FNBP1L: variants seen among roughly 807,000 people sequenced by gnomAD.
FNBP1L encodes the protein formin binding protein 1 like.
Under a neutral mutation model 91.2 loss-of-function variants are expected in FNBP1L, and 36 were observed. The observed-to-expected ratio is 0.39, with a 90% CI of 0.30 to 0.52. The LOEUF is 0.52. FNBP1L is among the 20% of genes least tolerant of loss of function. FNBP1L has a pLI of 0.66. For missense variants in FNBP1L, 571 were observed against 732.1 expected (o/e 0.78, Z 2.54); for synonymous variants, 242 against 237.0 (o/e 1.02, Z -0.19).
chr1:93,553,834 AG>A lies in FNBP1L; in HGVS notation c.*1420del, dbSNP rs1405054579. On this transcript the variant is annotated 3_prime_UTR_variant, in exon 17 of 17. Coordinates refer to ENST00000271234, the MANE Select transcript of FNBP1L (RefSeq NM_001164473.3). ...TGGTGTTGTAATAGGGAGATGGGGC[AG>A]GTGGGGGGTTATTTGTACCACTGAA... 1.3e-5 allele frequency: 2 copies of A among 152,658 alleles called. No individual in the cohort carries two copies. Among genetic ancestry groups the A allele is most frequent in the Non-Finnish European group, 2.9e-5 (2 of 68,054 alleles). 9.5% of individuals were successfully genotyped at this position (152,658 alleles called of 1,614,324 possible). A position where few individuals can be genotyped will look rare whatever the true frequency, so the allele number is the denominator to read the frequency against.
At chr1:93,552,261 G>A in intron 16 of FNBP1L, 148 bp from the exon 17 acceptor site, 1 of 1,436,186 alleles carries the variant, frequency 7.0e-7, no homozygotes, top group Non-Finnish European at 9.1e-7. Context: ...TTTTAATTTT[G>A]CCCATGTTTT....
At chr1:93,540,911 A>T in intron 10 of FNBP1L, 131 bp from the exon 11 acceptor site, 1 of 640,472 alleles carries the variant, frequency 1.6e-6, no homozygotes. Flanking sequence ...TTTCTGGCAT[A>T]ATTGTTTGGA....
chr1:93,523,687 A>G (rs1671406125), intron 4 of FNBP1L, among the ~76,000 whole-genome samples, 196 bp downstream of exon 4: 1 of 152,242 alleles, frequency 6.6e-6, no homozygotes, highest in Non-Finnish European at 1.5e-5. Flanking sequence ...ACTACAGCCT[A>G]TGGGCCAGAC....
intron 15 of FNBP1L, among the ~76,000 whole-genome samples, chr1:93,549,636 G>A (rs1419641853): frequency 6.6e-6 from 1 of 152,148 alleles, no homozygotes; most frequent in Non-Finnish European, 1.5e-5. Context: ...AATTGCCCAC[G>A]TTACTAGCAT....
rs1215758415 is a variant in FNBP1L, at chr1:93,547,327, T to C, written c.1408-20T>C. On this transcript the variant is annotated intron_variant, in intron 13 of 16. Coordinates refer to ENST00000271234, the MANE Select transcript of FNBP1L (RefSeq NM_001164473.3). ...AACATATTTATTGAGCTCAGTTGTT[T>C]GCTTATTTTTTTTCCTAAGGCTTGG... is the stretch of plus-strand genomic sequence containing the variant. 1.3e-6 allele frequency: 2 copies of C among 1,535,030 alleles called. No individual in the cohort carries two copies. Among genetic ancestry groups the C allele is most frequent in the Non-Finnish European group, 8.8e-7 (1 of 1,132,012 alleles).
chr1:93,554,049 A>G lies in FNBP1L; in HGVS notation c.*1633A>G, dbSNP rs550863716. ...CAATTGTGTGAAAGTTACTGCCTTC[A>G]TAAGATCAAGTCACCACTGTTACAC... On this transcript the variant is annotated 3_prime_UTR_variant, in exon 17 of 17. Coordinates refer to ENST00000271234, the MANE Select transcript of FNBP1L (RefSeq NM_001164473.3). 8 of 152,680 alleles carry G rather than the reference A, an allele frequency of 5.2e-5. No individual in the cohort carries two copies. Among genetic ancestry groups the G allele is most frequent in the Admixed American group, 5.2e-4 (8 of 15,288 alleles). 9.5% of individuals were successfully genotyped at this position (152,680 alleles called of 1,614,324 possible).
At chr1:93,548,155 C>T (rs996353140) in intron 14 of FNBP1L, among the ~76,000 whole-genome samples, 2 of 152,080 alleles carry the variant, frequency 1.3e-5, no homozygotes, top group African/African-American at 2.4e-5. Flanking sequence ...ATAGTAGTAT[C>T]ACTTCTTGAA....
rs150289393 is a variant in FNBP1L, at chr1:93,474,071, G to T, written c.25-25397G>T. ...ACCAACCTGGCCAACATCGTGAAAC[G>T]CCATCTCTACTAAAAATACAAAAAT... On this transcript the variant is annotated intron_variant, in intron 1 of 16. Transcript: ENST00000271234. 1.5e-4 allele frequency among the ~76,000 whole-genome samples: 23 copies of T among 152,014 alleles called. No individual in the cohort carries two copies. The East Asian group carries it at 3.3e-3, about 22-fold the overall frequency.
At chr1:93,551,807 A>G (rs1401463250) in intron 16 of FNBP1L, 1 of 985,280 alleles carries the variant, frequency 1.0e-6, no homozygotes, top group East Asian at 1.1e-4. Context: ...GTTAGCTGGT[A>G]ATTTTCAATA....
chr1:93,545,428 C>T (rs1047540634), intron 12 of FNBP1L, among the ~76,000 whole-genome samples: 3 of 152,056 alleles, frequency 2.0e-5, no homozygotes, highest in African/African-American at 7.2e-5. Context: ...AGTAAAGGCA[C>T]AGAAATGTGA....
intron 2 of FNBP1L, among the ~76,000 whole-genome samples, chr1:93,515,542 T>C: frequency 6.6e-6 from 1 of 151,916 alleles, no homozygotes. Flanking sequence ...TAGACTGGAT[T>C]AAGAAAATGT....
chr1:93,521,243 G>A (rs1330403409), intron 2 of FNBP1L, among the ~76,000 whole-genome samples: 1 of 152,106 alleles, frequency 6.6e-6, no homozygotes, highest in East Asian at 1.9e-4. Flanking sequence ...TTACAAGTCA[G>A]AATATAATTC....
intron 2 of FNBP1L, among the ~76,000 whole-genome samples, chr1:93,500,757 A>C (rs1017446415): frequency 2.0e-5 from 3 of 152,178 alleles, no homozygotes; most frequent in Non-Finnish European, 4.4e-5. Context: ...TAACCAACTG[A>C]CTGGATGTAG....
chr1:93,536,847 T>C (rs1671867620), intron 10 of FNBP1L, among the ~76,000 whole-genome samples: 1 of 152,094 alleles, frequency 6.6e-6, no homozygotes, highest in African/African-American at 2.4e-5. Flanking sequence ...CAATGCTGAC[T>C]TCACCTGCCA....
At chr1:93,519,586 G>A (rs1045803783) in intron 2 of FNBP1L, among the ~76,000 whole-genome samples, 1 of 152,154 alleles carries the variant, frequency 6.6e-6, no homozygotes, top group African/African-American at 2.4e-5. Flanking sequence ...TGTAAAAAAT[G>A]TTTGAGCATA....
intron 2 of FNBP1L, among the ~76,000 whole-genome samples, chr1:93,506,967 T>G (rs1670639246): frequency 6.6e-6 from 1 of 151,856 alleles, no homozygotes; most frequent in Non-Finnish European, 1.5e-5. Context: ...GCCCACTAAA[T>G]TTAGAAGCCT....
intron 1 of FNBP1L, among the ~76,000 whole-genome samples, chr1:93,486,210 T>G (rs1160547527): frequency 6.6e-6 from 1 of 152,218 alleles, no homozygotes; most frequent in Non-Finnish European, 1.5e-5. Context: ...CTACTGTTCA[T>G]GTGTAGTTAT....
At chr1:93,449,799 CATT>C (rs1668424690) in intron 1 of FNBP1L, among the ~76,000 whole-genome samples, 2 of 152,130 alleles carry the variant, frequency 1.3e-5, no homozygotes, top group African/African-American at 4.8e-5. Flanking sequence ...GTTTCTCAGG[CATT>C]ATTGGCCTTT....
intron 1 of FNBP1L, among the ~76,000 whole-genome samples, chr1:93,449,209 T>C (rs1006475460): frequency 1.3e-5 from 2 of 151,946 alleles, no homozygotes; most frequent in African/African-American, 4.8e-5. Context: ...CGGAGGGTAA[T>C]AGGTCGGAGA....
Sources: gnomAD v4.1 joint callset for allele counts (sites outside exome capture counted in the v4.1 genomes callset) on GRCh38, gnomAD v4.1.1 for gene constraint, MANE v1.5 for transcripts, NCBI Gene and HGNC (gene_info 2026-07-23, HGNC 2026-07-21) for gene names.